Variants in DLC1 observed in about 807,000 individuals in gnomAD.
DLC1 encodes the protein rho GTPase-activating protein 7.
Under a neutral mutation model 140.3 loss-of-function variants are expected in DLC1, and 54 were observed. The observed-to-expected ratio is 0.38, with a 90% CI of 0.31 to 0.48. The LOEUF (loss-of-function observed/expected upper bound fraction) is 0.48. DLC1 is among the 20% of genes least tolerant of loss of function. DLC1 has a pLI of 0.96. For missense variants in DLC1, 2,536 were observed against 1,907.0 expected (o/e 1.33, Z -6.14); for synonymous variants, 986 against 728.1 (o/e 1.35, Z -5.70).
At chr8:13,267,411 A>G (rs1830730602) in intron 5 of DLC1, among the ~76,000 whole-genome samples, 1 of 152,068 alleles carries the variant, frequency 6.6e-6, no homozygotes, top group Admixed American at 6.5e-5. Context: ...TGAATGAAAA[A>G]CATTCAGAGG....
chr8:13,219,818 T>C (rs1229967548), intron 5 of DLC1, among the ~76,000 whole-genome samples: 2 of 152,144 alleles, frequency 1.3e-5, no homozygotes, highest in African/African-American at 4.8e-5. Context: ...GGTATGTCCA[T>C]CCAATGGATT....
At chr8:13,578,370 A>G (rs1804922291) in intron 1 of DLC1, among the ~76,000 whole-genome samples, 2 of 152,168 alleles carry the variant, frequency 1.3e-5, no homozygotes, top group South Asian at 2.1e-4. Flanking sequence ...GTCACTCAAC[A>G]TTTATGACAC....
At chr8:13,298,269 T>A (rs186684890) in intron 5 of DLC1, among the ~76,000 whole-genome samples, 1 of 152,354 alleles carries the variant, frequency 6.6e-6, no homozygotes, top group East Asian at 1.9e-4. Flanking sequence ...AGTCAGGCTC[T>A]AAGTCATCTT....
At chr8:13,364,105 TGAAA>T (rs1380201276) in intron 4 of DLC1, among the ~76,000 whole-genome samples, 2 of 151,912 alleles carry the variant, frequency 1.3e-5, no homozygotes, top group Admixed American at 1.3e-4. Flanking sequence ...GGCAGGAGAA[TGAAA>T]GAGAGAAAGG....
chr8:13,354,770 C>T (rs1050425936), intron 4 of DLC1, among the ~76,000 whole-genome samples: 1 of 147,134 alleles, frequency 6.8e-6, no homozygotes, highest in Non-Finnish European at 1.5e-5. Context: ...CATGGTAAAA[C>T]CCCATCTCTA....
chr8:13,100,497 C>T lies in DLC1; in HGVS notation c.1840G>A (p.Ala614Thr), dbSNP rs1306577883. ...PSHAPPSEDA[A>T]TPRTNSVISV... The stretch of plus-strand genomic sequence containing the variant: ...ATGACGGAGTTAGTCCGGGGGGTGG[C>T]AGCATCCTCGCTGGGGGGCGCGTGG... Residue 614 changes from alanine (A) to threonine (T), a missense_variant, in exon 9 of 18, where the codon GCC becomes ACC. Ala to Thr is a moderately conservative substitution (Grantham distance 58). Transcript: ENST00000276297. 1 of 1,612,642 alleles carries T rather than the reference C, an allele frequency of 6.2e-7. No individual in the cohort carries two copies. Among genetic ancestry groups the T allele is most frequent in the Admixed American group, 1.7e-5 (1 of 60,022 alleles).
At chr8:13,534,560 T>G (rs1009006682) in intron 1 of DLC1, among the ~76,000 whole-genome samples, 8 of 152,136 alleles carry the variant, frequency 5.3e-5, no homozygotes, top group Non-Finnish European at 1.0e-4. Flanking sequence ...CTCTGCTTCA[T>G]AAGAAGCAGA....
At position 13,084,861 on chromosome 8, in the gene DLC1, A is replaced by G. The variant is rs1817424286; in HGVS notation, c.*950T>C. 6.6e-6 allele frequency: 1 copy of G among 152,218 alleles called. No homozygotes were observed. The highest frequency in any genetic ancestry group is 1.5e-5 in the Non-Finnish European group (1 of 68,040). The allele number at this position is 152,218 out of a possible 1,614,324, so 9.4% of individuals were successfully genotyped here. A position where few individuals can be genotyped will look rare whatever the true frequency, so the allele number is the denominator to read the frequency against. ...AGGCGTTTCTGTTACAAACACAAAA[A>G]TGCAAAGAATTCTAACAGGGAAAAA... On this transcript the variant is annotated 3_prime_UTR_variant, in exon 18 of 18. Coordinates refer to ENST00000276297, the MANE Select transcript of DLC1 (RefSeq NM_182643.3).
intron 5 of DLC1, among the ~76,000 whole-genome samples, chr8:13,272,838 C>T (rs913809865): frequency 3.9e-5 from 6 of 152,226 alleles, no homozygotes; most frequent in African/African-American, 1.4e-4. Context: ...CGCGCCACTG[C>T]ATTCCAACCT....
At chr8:13,498,562 G>A (rs540210589) in intron 2 of DLC1, among the ~76,000 whole-genome samples, 1 of 152,072 alleles carries the variant, frequency 6.6e-6, no homozygotes, top group Non-Finnish European at 1.5e-5. Flanking sequence ...GAGTAGTTTA[G>A]CCTTTGTATA....
intron 2 of DLC1, among the ~76,000 whole-genome samples, chr8:13,487,397 C>G (rs1801017079): frequency 6.6e-6 from 1 of 152,042 alleles, no homozygotes; most frequent in South Asian, 2.1e-4. Context: ...CCTAAATTGA[C>G]ATTCAGTCTC....
chr8:13,578,067 T>A (rs1804909107), intron 1 of DLC1, among the ~76,000 whole-genome samples: 1 of 152,040 alleles, frequency 6.6e-6, no homozygotes, highest in African/African-American at 2.4e-5. Flanking sequence ...TTTTTAAAAA[T>A]TAGGTTGCAT....
At chr8:13,451,802 C>A (rs1442509741) in intron 2 of DLC1, among the ~76,000 whole-genome samples, 1 of 152,138 alleles carries the variant, frequency 6.6e-6, no homozygotes, top group Admixed American at 6.6e-5. Flanking sequence ...AAATCTTGAT[C>A]ATTGTGAACA....
At chr8:13,216,554 C>G (rs1221699892) in intron 5 of DLC1, among the ~76,000 whole-genome samples, 1 of 152,138 alleles carries the variant, frequency 6.6e-6, no homozygotes, top group African/African-American at 2.4e-5. Context: ...GCAGAACGTG[C>G]CAAGACTTCA....
At chr8:13,247,249 A>G (rs1457435971) in intron 5 of DLC1, among the ~76,000 whole-genome samples, 1 of 152,218 alleles carries the variant, frequency 6.6e-6, no homozygotes, top group Admixed American at 6.5e-5. Context: ...ACACTGCCAG[A>G]CATTACTATC....
intron 1 of DLC1, among the ~76,000 whole-genome samples, chr8:13,509,758 G>A (rs1563410111): frequency 2.0e-5 from 3 of 152,102 alleles, no homozygotes; most frequent in Non-Finnish European, 4.4e-5. Flanking sequence ...ATACATACTG[G>A]TGGGCAGGAA....
intron 2 of DLC1, among the ~76,000 whole-genome samples, chr8:13,414,920 C>G (rs569075374): frequency 4.5e-4 from 68 of 152,182 alleles, no homozygotes; most frequent in African/African-American, 1.5e-3. Flanking sequence ...AAGCGATATT[C>G]CTGCCTCAGC....
At chr8:13,184,575 G>A (rs1029361892) in intron 5 of DLC1, among the ~76,000 whole-genome samples, 7 of 152,170 alleles carry the variant, frequency 4.6e-5, no homozygotes, top group Non-Finnish European at 1.5e-5. Context: ...TCATTCAGGA[G>A]CAAGTTGTTC....
chr8:13,092,533 A>T, intron 13 of DLC1, 79 bp downstream of exon 13: 1 of 1,500,428 alleles, frequency 6.7e-7, no homozygotes. Context: ...AAAGAGTCCC[A>T]CAAAACCACA....
Sources: allele counts gnomAD v4.1 joint callset (sites outside exome capture counted in the v4.1 genomes callset), GRCh38; gene constraint gnomAD v4.1.1; transcripts MANE v1.5; gene names NCBI Gene and HGNC (gene_info 2026-07-23, HGNC 2026-07-21).